Variants in NXPH1 observed in about 807,000 individuals in gnomAD.
NXPH1 encodes neurexophilin-1.
NXPH1 carries 5 observed loss-of-function variants against 23.7 expected under a neutral mutation model. The ratio of observed to expected loss-of-function variants is 0.21; its 90% CI spans 0.11 to 0.44. The LOEUF is 0.44. Ranked by LOEUF, NXPH1 falls within the 20% of genes least tolerant of loss-of-function variation. The pLI is 0.99. For synonymous variants in NXPH1, 144 were observed against 122.2 expected, an observed-to-expected ratio of 1.18 and a Z score of -1.18; for missense variants, 324 against 321.6, an observed-to-expected ratio of 1.01 and a Z score of -0.06.
chr7:8,678,384 G>A (rs763076936), intron 2 of NXPH1, among the ~76,000 whole-genome samples: 2 of 152,118 alleles, frequency 1.3e-5, no homozygotes, highest in Non-Finnish European at 2.9e-5. Flanking sequence ...AACTACTTAT[G>A]TCTCTCTTAT....
At chr7:8,589,075 TAA>T (rs1343407492) in intron 2 of NXPH1, among the ~76,000 whole-genome samples, 1 of 152,116 alleles carries the variant, frequency 6.6e-6, no homozygotes, top group African/African-American at 2.4e-5. Flanking sequence ...TCTGGTGCAA[TAA>T]AGTTTGCCTG....
rs1335947493 is a variant in NXPH1 at position 8,435,539 on chromosome 7, C to T, written c.-110-65C>T. The T allele has an allele frequency of 1.7e-6, 1 of 602,784 alleles. No homozygotes were observed. The highest frequency in any genetic ancestry group is 1.9e-5 in the African/African-American group (1 of 53,562). The allele number at this position is 602,784 out of a possible 1,614,324, so 37.3% of individuals were successfully genotyped here. A position where few individuals can be genotyped will look rare whatever the true frequency, so the allele number is the denominator to read the frequency against. On this transcript the variant is annotated intron_variant, in intron 1 of 2. Coordinates refer to ENST00000405863, the MANE Select transcript of NXPH1 (RefSeq NM_152745.3). This position sits in a 1 kb window ranked among gnomAD's most constrained non-coding sequence, Gnocchi z 5.9. ...ACTCCCCGCTACGACCCCCTTTCCC[C>T]GCTTGATTGTCAAGCCTAACCTTGC...
chr7:8,581,226 C>T (rs1482148021), intron 2 of NXPH1, among the ~76,000 whole-genome samples: 1 of 152,120 alleles, frequency 6.6e-6, no homozygotes, highest in Non-Finnish European at 1.5e-5. Flanking sequence ...ATCTATGTAT[C>T]AGGCATTGGG....
intron 2 of NXPH1, among the ~76,000 whole-genome samples, chr7:8,591,758 C>A (rs1199797722): frequency 6.6e-6 from 1 of 151,684 alleles, no homozygotes; most frequent in African/African-American, 2.4e-5. Flanking sequence ...ATTTTTGTTG[C>A]TGACAATTTT....
chr7:8,583,331 G>A (rs1454061879), intron 2 of NXPH1, among the ~76,000 whole-genome samples: 1 of 152,160 alleles, frequency 6.6e-6, no homozygotes, highest in Non-Finnish European at 1.5e-5. Context: ...TTGAATCCTG[G>A]CACAGCCATT....
chr7:8,724,040 A>C (rs1780009630), intron 2 of NXPH1, among the ~76,000 whole-genome samples: 1 of 152,236 alleles, frequency 6.6e-6, no homozygotes, highest in Admixed American at 6.5e-5. Context: ...AGCTTTGAAC[A>C]TCCTTTCTCT....
At chr7:8,555,702 C>T (rs530831996) in intron 2 of NXPH1, among the ~76,000 whole-genome samples, 83 of 151,836 alleles carry the variant, frequency 5.5e-4, no homozygotes, top group African/African-American at 2.0e-3. Flanking sequence ...AGAATTTAGG[C>T]AGTTTCCTTC....
At chr7:8,623,775 A>G (rs1262111737) in intron 2 of NXPH1, among the ~76,000 whole-genome samples, 1 of 150,176 alleles carries the variant, frequency 6.7e-6, no homozygotes, top group Non-Finnish European at 1.5e-5. Flanking sequence ...GTGTATTTTT[A>G]TTTGTATTCT....
At chr7:8,488,528 T>C (rs1817198885) in intron 2 of NXPH1, among the ~76,000 whole-genome samples, 1 of 152,136 alleles carries the variant, frequency 6.6e-6, no homozygotes, top group Non-Finnish European at 1.5e-5. Context: ...TGTAATTCTT[T>C]CTCCAACCAT....
intron 2 of NXPH1, among the ~76,000 whole-genome samples, chr7:8,649,365 T>C (rs1583213964): frequency 6.6e-6 from 1 of 152,212 alleles, no homozygotes; most frequent in East Asian, 1.9e-4. Context: ...TTTTTCCATT[T>C]ATGTTAGGAT....
rs1041736246 is a variant in NXPH1 at position 8,740,529 on chromosome 7, T to A, written c.55-10479T>A. 2.6e-5 allele frequency among the ~76,000 whole-genome samples: 4 copies of A among 152,198 alleles called. 1 individual carries two copies. Among genetic ancestry groups the A allele is most frequent in the Admixed American group, 1.3e-4 (2 of 15,282 alleles). ...AGGATTTGCATTTAGACCTATGATC[T>A]CTGACTGCAAAGCCCATTCTCTTAG... On this transcript the variant is annotated intron_variant, in intron 2 of 2. Coordinates refer to ENST00000405863, the MANE Select transcript of NXPH1 (RefSeq NM_152745.3).
intron 2 of NXPH1, among the ~76,000 whole-genome samples, chr7:8,725,674 A>C (rs923756896): frequency 7.2e-5 from 11 of 152,118 alleles, no homozygotes; most frequent in Non-Finnish European, 1.3e-4. Context: ...GGTCTATTCT[A>C]TCTACTAGAC....
chr7:8,710,811 C>G (rs986509061), intron 2 of NXPH1, among the ~76,000 whole-genome samples: 2 of 137,662 alleles, frequency 1.5e-5, no homozygotes, highest in Non-Finnish European at 3.0e-5. Flanking sequence ...TACAGGCGCC[C>G]GCCACCGCGC....
chr7:8,492,851 C>A (rs931760148), intron 2 of NXPH1, among the ~76,000 whole-genome samples: 1 of 151,974 alleles, frequency 6.6e-6, no homozygotes, highest in African/African-American at 2.4e-5. Context: ...TAGTTTATCC[C>A]CTTAAGTTTG....
At chr7:8,476,889 G>A (rs959016937) in intron 2 of NXPH1, among the ~76,000 whole-genome samples, 3 of 152,060 alleles carry the variant, frequency 2.0e-5, no homozygotes, top group African/African-American at 7.2e-5. Context: ...CAACCATATA[G>A]AACTATTCCC....
chr7:8,623,686 T>TTTTTTTTTTTTCTTTCTCTGCCCC (rs1488106934), intron 2 of NXPH1, among the ~76,000 whole-genome samples: 20 of 151,982 alleles, frequency 1.3e-4, no homozygotes, highest in African/African-American at 4.3e-4. Context: ...GTTCTTATTT[T>TTTTTTTTTTTTCTTTCTCTGCCCC]TAAGAGATAT....
intron 2 of NXPH1, among the ~76,000 whole-genome samples, chr7:8,601,525 T>A (rs1028778710): frequency 6.6e-6 from 1 of 152,200 alleles, no homozygotes; most frequent in Non-Finnish European, 1.5e-5. Flanking sequence ...TTCCTTTTCT[T>A]CCTCATGTGA....
intron 2 of NXPH1, among the ~76,000 whole-genome samples, chr7:8,478,906 C>T (rs571126401): frequency 1.3e-5 from 2 of 152,118 alleles, no homozygotes; most frequent in Admixed American, 6.6e-5. Flanking sequence ...AACTGACTTA[C>T]AAGTATAAAG....
chr7:8,617,972 T>G (rs2115119579), intron 2 of NXPH1, among the ~76,000 whole-genome samples: 1 of 152,190 alleles, frequency 6.6e-6, no homozygotes, highest in African/African-American at 2.4e-5. Flanking sequence ...TGGGTACATC[T>G]CATGTAACCC....
Sources: gnomAD v4.1 joint callset for allele counts (sites outside exome capture counted in the v4.1 genomes callset) on GRCh38, gnomAD v4.1.1 for gene constraint, Gnocchi (gnomAD v3.1) non-coding constraint, MANE v1.5 for transcripts, NCBI Gene and HGNC (gene_info 2026-07-23, HGNC 2026-07-21) for gene names.